The following STAU1 variants were observed in gnomAD, a reference collection of about 807,000 sequenced individuals.
STAU1 encodes double-stranded RNA-binding protein Staufen homolog 1.
STAU1 carries 13 observed loss-of-function variants against 62.9 expected under a neutral mutation model. That is an observed-to-expected ratio of 0.21 (90% CI 0.13 to 0.33). The LOEUF is 0.33. Ranked by LOEUF, STAU1 falls within the 10% of genes least tolerant of loss-of-function variation. The pLI is 1.00. For synonymous variants in STAU1, 269 were observed against 265.1 expected, an observed-to-expected ratio of 1.01 and a Z score of -0.14; for missense variants, 571 against 712.1, an observed-to-expected ratio of 0.80 and a Z score of 2.25.
chr20:49,156,377 T>TA (rs1239757730), intron 3 of STAU1, among the ~76,000 whole-genome samples: 4 of 152,210 alleles, frequency 2.6e-5, no homozygotes, highest in African/African-American at 4.8e-5. Context: ...TAAGGATTCC[T>TA]AAAAAATAAG....
At chr20:49,218,712 A>AT in the STAU1 span, among the ~76,000 whole-genome samples, 19 of 151,606 alleles carry the variant, frequency 1.3e-4, no homozygotes, top group African/African-American at 1.9e-4. Flanking sequence ...TTCTTCTGAG[A>AT]TTTTTTTTCC....
At position 49,123,081 on chromosome 20, in the gene STAU1, T is replaced by C. The variant is rs201173157; in HGVS notation, c.966+11A>G. On this transcript the variant is annotated intron_variant, in intron 8 of 13. Transcript: ENST00000371856. ...CAGAGGAAGGGGCGCCCATCATCCA[T>C]GCGGACCCACCTGCATCACAAACTC... 19 of 1,582,078 alleles carry C rather than the reference T, an allele frequency of 1.2e-5. No homozygotes were observed. Among genetic ancestry groups the C allele is most frequent in the African/African-American group, 4.0e-5 (3 of 74,268 alleles).
At chr20:49,160,914 T>C (rs1243935477) in intron 3 of STAU1, among the ~76,000 whole-genome samples, 1 of 152,174 alleles carries the variant, frequency 6.6e-6, no homozygotes, top group Non-Finnish European at 1.5e-5. Context: ...AGAAGTAAGC[T>C]GCAGACAAGA....
At chr20:49,170,451 A>G (rs983909376) in intron 2 of STAU1, among the ~76,000 whole-genome samples, 3 of 152,118 alleles carry the variant, frequency 2.0e-5, no homozygotes, top group Admixed American at 1.3e-4. Flanking sequence ...CCCAGGTTCA[A>G]GTGATTCTCC....
At chr20:49,165,118 C>G (rs1374453350) in intron 3 of STAU1, among the ~76,000 whole-genome samples, 1 of 152,084 alleles carries the variant, frequency 6.6e-6, no homozygotes, top group Non-Finnish European at 1.5e-5. Context: ...GATCTCAGCT[C>G]ACTACAACCT....
chr20:49,179,286 G>A (rs1046153303), intron 1 of STAU1: 1 of 151,020 alleles, frequency 6.6e-6, no homozygotes, highest in Non-Finnish European at 1.5e-5. Context: ...GCAAATTATA[G>A]AAAGTCCCTT....
the STAU1 span, among the ~76,000 whole-genome samples, chr20:49,195,252 A>G: frequency 1.3e-5 from 2 of 152,130 alleles, no homozygotes; most frequent in Admixed American, 1.3e-4. Context: ...AAAAGATAGC[A>G]ACAGGCTGGG....
At chr20:49,118,613 C>T (rs1324443155) in intron 9 of STAU1, among the ~76,000 whole-genome samples, 1 of 152,164 alleles carries the variant, frequency 6.6e-6, no homozygotes, top group East Asian at 1.9e-4. Context: ...CTCCTGCCCA[C>T]ACCCCTGCCC....
chr20:49,165,793 C>T (rs1222715100), intron 3 of STAU1, among the ~76,000 whole-genome samples: 1 of 150,386 alleles, frequency 6.6e-6, no homozygotes, highest in Non-Finnish European at 1.5e-5. Flanking sequence ...TTTCTCACAA[C>T]CTACAATCGT....
chr20:49,114,567 G>A lies in STAU1; in HGVS notation c.*311C>T. On this transcript the variant is annotated 3_prime_UTR_variant, in exon 14 of 14. Coordinates refer to ENST00000371856, the MANE Select transcript of STAU1 (RefSeq NM_017453.4). ...GAAAAAAAAGACCAAACACGGAGGT[G>A]CCCAGGGTGTGGATCTGCTGGTGTC... 1 of 385,350 alleles carries A rather than the reference G, an allele frequency of 2.6e-6. No homozygotes were observed. Among genetic ancestry groups the A allele is most frequent in the Non-Finnish European group, 4.7e-6 (1 of 212,160 alleles). 23.9% of individuals were successfully genotyped at this position (385,350 alleles called of 1,614,324 possible).
chr20:49,154,062 G>T lies in STAU1; in HGVS notation c.215C>A (p.Thr72Asn), dbSNP rs776776915. Residue 72 changes from threonine (T) to asparagine (N), a missense_variant, in exon 4 of 14, where the codon ACC becomes AAC. This residue lies in a region of STAU1 where 414 missense variants were observed against 499.6 expected (regional missense o/e 0.83). Coordinates refer to ENST00000371856, the MANE Select transcript of STAU1 (RefSeq NM_017453.4). ...TSTSAAAESITPTVELNALCM... is the reference protein window; with the variant it reads ...TSTSAAAESINPTVELNALCM... ...CAGTGCATTTAGTTCTACAGTAGGG[G>T]TTATGCTTTCTGCAAGAAAGAATCG... 6 of 1,596,502 alleles carry T rather than the reference G, an allele frequency of 3.8e-6. No individual in the cohort carries two copies. The highest frequency in any genetic ancestry group is 2.7e-5 in the African/African-American group (2 of 73,736).
the STAU1 span, among the ~76,000 whole-genome samples, chr20:49,206,719 T>TA: frequency 2.6e-4 from 28 of 106,036 alleles, no homozygotes; most frequent in South Asian, 2.2e-3. Flanking sequence ...AAATGAAATT[T>TA]TATATATATA....
At chr20:49,141,482 T>C (rs2093006265) in intron 5 of STAU1, among the ~76,000 whole-genome samples, 2 of 152,156 alleles carry the variant, frequency 1.3e-5, no homozygotes, top group Non-Finnish European at 2.9e-5. Context: ...TCCCAGCTAC[T>C]GGGGTGGCTG....
the STAU1 span, among the ~76,000 whole-genome samples, chr20:49,202,771 G>GC: frequency 6.6e-6 from 1 of 151,852 alleles, no homozygotes; most frequent in Non-Finnish European, 1.5e-5. Context: ...AGGCTCCGTG[G>GC]CTCAACGCCT....
At chr20:49,136,974 G>A (rs541676011) in intron 5 of STAU1, among the ~76,000 whole-genome samples, 4 of 152,276 alleles carry the variant, frequency 2.6e-5, no homozygotes, top group South Asian at 4.1e-4. Context: ...GGATTAAGGC[G>A]TGAGCCACCA....
At chr20:49,135,757 A>G in intron 6 of STAU1, 76 bp downstream of exon 6, 1 of 1,054,198 alleles carries the variant, frequency 9.5e-7, no homozygotes, top group Non-Finnish European at 1.4e-6. Context: ...AATGATATTT[A>G]GGGGAAAAAA....
chr20:49,153,927 A>G lies in STAU1; in HGVS notation c.344+6T>C. On this transcript the variant is annotated splice_donor_region_variant and intron_variant, in intron 4 of 13. Coordinates refer to ENST00000371856, the MANE Select transcript of STAU1 (RefSeq NM_017453.4). ...TTTACAAAAAAAAAAAAAAAAAAAC[A>G]CATACCTCGGGGGATAAGCACCTCC... 1 of 1,552,808 alleles carries G rather than the reference A, an allele frequency of 6.4e-7. No homozygotes were observed. The highest frequency in any genetic ancestry group is 8.6e-7 in the Non-Finnish European group (1 of 1,160,178).
At chr20:49,128,279 T>C (rs1322442603) in intron 6 of STAU1, among the ~76,000 whole-genome samples, 1 of 152,114 alleles carries the variant, frequency 6.6e-6, no homozygotes, top group Admixed American at 6.5e-5. Context: ...TGAGGTGAGA[T>C]CATGCCACTG....
chr20:49,126,391 G>C (rs2092613956), intron 6 of STAU1, among the ~76,000 whole-genome samples: 1 of 151,090 alleles, frequency 6.6e-6, no homozygotes. Context: ...GCAAGACCTT[G>C]ACTCTACAAA....
Sources: gnomAD v4.1 joint callset for allele counts (sites outside exome capture counted in the v4.1 genomes callset) on GRCh38, gnomAD v4.1.1 for gene constraint, gnomAD v4.1.1 regional missense constraint, MANE v1.5 for transcripts, NCBI Gene and HGNC (gene_info 2026-07-23, HGNC 2026-07-21) for gene names.